PDE4D: variants seen among roughly 807,000 people sequenced by gnomAD.
The protein encoded by PDE4D is phosphodiesterase 4D, also known as 3',5'-cyclic-AMP phosphodiesterase 4D.
A neutral mutation model predicts 87.4 loss-of-function variants in PDE4D; 24 were observed. The observed-to-expected ratio is 0.27, with a 90% CI of 0.20 to 0.39. PDE4D has a LOEUF of 0.39. PDE4D is among the 10% of genes least tolerant of loss of function. PDE4D has a pLI of 1.00. For missense variants in PDE4D, 714 were observed against 1,041.0 expected, an observed-to-expected ratio of 0.69 and a Z score of 4.32; for synonymous variants, 384 against 383.2, an observed-to-expected ratio of 1.00 and a Z score of -0.02.
At position 58,971,823 on chromosome 5, in the gene PDE4D, T is replaced by C. The variant is rs1038876803; in HGVS notation, c.*2841A>G. 6.6e-6 allele frequency: 1 copy of C among 152,582 alleles called. No homozygotes were observed. Among genetic ancestry groups the C allele is most frequent in the African/African-American group, 2.4e-5 (1 of 41,436 alleles). 9.5% of individuals were successfully genotyped at this position (152,582 alleles called of 1,614,324 possible). ...ATGTAAAGCCACTTGTAAAAGGATA[T>C]TCTTTTATTCTTTTTTAAAGCAGTA... is the stretch of plus-strand genomic sequence containing the variant. On this transcript the variant is annotated 3_prime_UTR_variant, in exon 15 of 15. Transcript: ENST00000340635.
rs573938775 is a variant in PDE4D at position 59,588,614 on chromosome 5, G to C, written c.455+304554C>G. On this transcript the variant is annotated intron_variant, in intron 1 of 14. Transcript: ENST00000340635. ...GCATGTCCCATAAATTCAAAACCTA[G>C]TATAAAGAAAACTAATCTTAAAAAC... Among the ~76,000 whole-genome samples the C allele has an allele frequency of 9.7e-4, 147 of 152,208 alleles. 1 individual carries two copies. Among genetic ancestry groups the C allele is most frequent in the Middle Eastern group, 3.4e-3 (1 of 294 alleles).
chr5:59,269,717 T>C (rs1355838349), intron 1 of PDE4D, among the ~76,000 whole-genome samples: 1 of 152,092 alleles, frequency 6.6e-6, no homozygotes, highest in Non-Finnish European at 1.5e-5. Context: ...TTTTATTGTT[T>C]TATGTGTGCT....
chr5:59,330,373 C>T lies in PDE4D; in HGVS notation c.456-114405G>A, dbSNP rs574968753. On this transcript the variant is annotated intron_variant, in intron 1 of 14. Transcript: ENST00000340635. Reference sequence around the variant, plus strand: ...ATTAGTGAGATCGTTTGGACCCCATCGCTAAACTAGCCCCAGGCAACCTGT... The same window carrying T: ...ATTAGTGAGATCGTTTGGACCCCATTGCTAAACTAGCCCCAGGCAACCTGT... 6.6e-5 allele frequency among the ~76,000 whole-genome samples: 10 copies of T among 152,166 alleles called. No homozygotes were observed. In the South Asian group the frequency reaches 2.1e-3, roughly 32 times the overall value.
chr5:59,413,092 C>T (rs774213010), intron 1 of PDE4D, among the ~76,000 whole-genome samples: 15 of 152,288 alleles, frequency 9.8e-5, no homozygotes, highest in South Asian at 6.2e-4. Context: ...ACTCTTCCTG[C>T]CCTTTTTCAG....
At chr5:59,891,161 A>G (rs945560815) in intron 1 of PDE4D, among the ~76,000 whole-genome samples, 3 of 152,264 alleles carry the variant, frequency 2.0e-5, no homozygotes, top group African/African-American at 7.2e-5. Flanking sequence ...TCAACTAAAA[A>G]TTTCAAATAG....
intron 1 of PDE4D, among the ~76,000 whole-genome samples, chr5:59,310,134 G>A (rs1049356699): frequency 1.3e-5 from 2 of 152,178 alleles, no homozygotes; most frequent in African/African-American, 2.4e-5. Context: ...TTTTGGACAG[G>A]TGGCTCACAA....
chr5:59,663,897 C>G (rs946846910), intron 1 of PDE4D, among the ~76,000 whole-genome samples: 2 of 152,170 alleles, frequency 1.3e-5, no homozygotes, highest in Non-Finnish European at 2.9e-5. Flanking sequence ...TTTTCTCACC[C>G]TCGTCTCATC....
At chr5:60,415,847 C>G (rs927713602) in intron 1 of PDE4D, among the ~76,000 whole-genome samples, 1 of 152,226 alleles carries the variant, frequency 6.6e-6, no homozygotes, top group South Asian at 2.1e-4. Flanking sequence ...CCGCCCGGTG[C>G]GGGACCCACT....
At chr5:60,039,796 T>C (rs945035768) in intron 2 of PDE4D, among the ~76,000 whole-genome samples, 2 of 152,098 alleles carry the variant, frequency 1.3e-5, no homozygotes, top group African/African-American at 2.4e-5. Flanking sequence ...AGTGGTAAAA[T>C]TGTAATAGCC....
At chr5:59,424,212 G>C (rs1449986678) in intron 1 of PDE4D, among the ~76,000 whole-genome samples, 1 of 152,076 alleles carries the variant, frequency 6.6e-6, no homozygotes, top group African/African-American at 2.4e-5. Context: ...GAAGAGAATG[G>C]GGAACTGGAG....
intron 1 of PDE4D, among the ~76,000 whole-genome samples, chr5:59,591,342 T>G (rs1003617441): frequency 1.3e-5 from 2 of 152,146 alleles, no homozygotes; most frequent in Non-Finnish European, 2.9e-5. Context: ...AGTATAAGCA[T>G]AGTATAATAA....
intron 1 of PDE4D, among the ~76,000 whole-genome samples, chr5:59,481,155 C>A (rs1436455784): frequency 6.6e-6 from 1 of 151,948 alleles, no homozygotes; most frequent in Non-Finnish European, 1.5e-5. Context: ...TAGCTTATAC[C>A]CCACATACAG....
At position 58,974,516 on chromosome 5, in the gene PDE4D, C is replaced by T. The variant is rs557609939; in HGVS notation, c.*148G>A. 20 of 650,964 alleles carry T rather than the reference C, an allele frequency of 3.1e-5. No individual in the cohort carries two copies. Among genetic ancestry groups the T allele is most frequent in the East Asian group, 1.0e-4 (4 of 38,584 alleles). 40.3% of individuals were successfully genotyped at this position (650,964 alleles called of 1,614,324 possible). A position where few individuals can be genotyped will look rare whatever the true frequency, so the allele number is the denominator to read the frequency against. ...AAAAACTGGTTACGATATTCCTGAGCGCTGGACTGAGTAGTCAAGGTCAGT... is the reference window on the plus strand; with the variant it reads ...AAAAACTGGTTACGATATTCCTGAGTGCTGGACTGAGTAGTCAAGGTCAGT... On this transcript the variant is annotated 3_prime_UTR_variant, in exon 15 of 15. Coordinates refer to ENST00000340635, the MANE Select transcript of PDE4D (RefSeq NM_001104631.2).
At chr5:60,358,804 T>C (rs1468432326) in intron 1 of PDE4D, among the ~76,000 whole-genome samples, 2 of 152,196 alleles carry the variant, frequency 1.3e-5, no homozygotes, top group African/African-American at 4.8e-5. Context: ...TGAATTTAAA[T>C]AACAGACATA....
intron 1 of PDE4D, among the ~76,000 whole-genome samples, chr5:60,383,503 A>G (rs1389469060): frequency 6.6e-6 from 1 of 152,174 alleles, no homozygotes; most frequent in African/African-American, 2.4e-5. Flanking sequence ...GCTACTTCCA[A>G]GCAAAAGGTG....
chr5:60,179,353 T>G, intron 2 of PDE4D, among the ~76,000 whole-genome samples: 1 of 152,148 alleles, frequency 6.6e-6, no homozygotes, highest in East Asian at 1.9e-4. Context: ...AAAGTTGTTA[T>G]CTGCTTATTG....
chr5:60,142,843 A>G (rs545155334), intron 2 of PDE4D, among the ~76,000 whole-genome samples: 1 of 152,326 alleles, frequency 6.6e-6, no homozygotes, highest in South Asian at 2.1e-4. Flanking sequence ...GCATATGACA[A>G]TTACCAAGGC....
intron 1 of PDE4D, among the ~76,000 whole-genome samples, chr5:59,628,057 C>A (rs1450743117): frequency 6.6e-6 from 1 of 152,176 alleles, no homozygotes; most frequent in Non-Finnish European, 1.5e-5. Flanking sequence ...ATAGCAAAGA[C>A]AACAACAATT....
intron 1 of PDE4D, among the ~76,000 whole-genome samples, chr5:60,471,940 T>C (rs927787616): frequency 5.9e-5 from 9 of 152,130 alleles, no homozygotes; most frequent in Non-Finnish European, 1.0e-4. Flanking sequence ...CTATTAGGTA[T>C]CCCCATGTAG....
Sources: gnomAD v4.1 joint callset for allele counts (sites outside exome capture counted in the v4.1 genomes callset) on GRCh38, gnomAD v4.1.1 for gene constraint, MANE v1.5 for transcripts, NCBI Gene and HGNC (gene_info 2026-07-23, HGNC 2026-07-21) for gene names.